EPHA10: variants seen among roughly 807,000 people sequenced by gnomAD.
EPHA10 encodes EPH receptor A10.
EPHA10 carries 120 observed loss-of-function variants against 109.7 expected under a neutral mutation model. The ratio of observed to expected loss-of-function variants is 1.09; its 90% confidence interval spans 0.94 to 1.27. EPHA10 has a LOEUF of 1.27. EPHA10 is among the 50% of genes most tolerant of loss of function. The pLI is 0.00. For synonymous variants in EPHA10, 640 were observed against 618.9 expected (o/e 1.03, Z -0.51); for missense variants, 1,396 against 1,411.1 (o/e 0.99, Z 0.17).
At chr1:37,747,270 G>T (rs1646254357) in intron 5 of EPHA10, among the ~76,000 whole-genome samples, 1 of 152,126 alleles carries the variant, frequency 6.6e-6, no homozygotes, top group Non-Finnish European at 1.5e-5. Flanking sequence ...GACTTCAGAG[G>T]TTGGGTGGGG....
chr1:37,734,704 GC>G (rs779614692), intron 6 of EPHA10: 6 of 446,300 alleles, frequency 1.3e-5, no homozygotes, highest in South Asian at 9.7e-5. Flanking sequence ...GGATCAATTG[GC>G]CATATGGAGT....
At position 37,754,009 on chromosome 1, in the gene EPHA10, T is replaced by C. The variant is rs535617493; in HGVS notation, c.1006+206A>G. On this transcript the variant is annotated intron_variant, in intron 4 of 16. Transcript: ENST00000373048. This position sits in a 1 kb window ranked among gnomAD's most constrained non-coding sequence, Gnocchi z 4.5. ...TCCGTCTGGACTCTCGCAGTTGTCC[T>C]GGTTCTTCTCATCAAAGGCCCCGGC... Among the ~76,000 whole-genome samples, 2 of 152,214 alleles carry C rather than the reference T, an allele frequency of 1.3e-5. No individual in the cohort carries two copies. Among genetic ancestry groups the C allele is most frequent in the East Asian group, 3.9e-4 (2 of 5,172 alleles).
rs757393344 is a variant in EPHA10, at chr1:37,720,026, G to A, written c.2445C>T (p.Pro815=). The change falls in exon 14 of 17, where the codon CCC becomes CCT. Residue 815 remains proline, a synonymous_variant. Transcript: ENST00000373048. ...TGAAGTGGCCAAACTGAAGTGTCTC[G>A]GGAGCGGCCCATAGCGCTGGGCTCC... ...SGRSPALWAA[P]ETLQFGHFSS... The A allele has an allele frequency of 6.8e-5, 110 of 1,613,630 alleles. 2 individuals carry two copies. Among genetic ancestry groups the A allele is most frequent in the Non-Finnish European group, 8.1e-5 (95 of 1,180,026 alleles).
chr1:37,750,127 T>C (rs981778799), intron 5 of EPHA10, among the ~76,000 whole-genome samples: 4 of 152,134 alleles, frequency 2.6e-5, no homozygotes, highest in African/African-American at 9.7e-5. Context: ...TACTCTAAGA[T>C]ATTAATAGTT....
chr1:37,718,600 G>A (rs1645731208), intron 16 of EPHA10, 61 bp downstream of exon 16: 2 of 1,611,992 alleles, frequency 1.2e-6, no homozygotes, highest in African/African-American at 2.7e-5. Flanking sequence ...CCCAGTATAG[G>A]CAGGGGCAGG....
chr1:37,719,764 C>T, intron 14 of EPHA10, 145 bp downstream of exon 14: 2 of 1,448,152 alleles, frequency 1.4e-6, no homozygotes, highest in Non-Finnish European at 1.9e-6. Context: ...AAGCCTGGGG[C>T]AGTGGCCAGG....
intron 5 of EPHA10, among the ~76,000 whole-genome samples, chr1:37,739,034 G>C (rs1646113564): frequency 6.6e-6 from 1 of 152,068 alleles, no homozygotes; most frequent in Non-Finnish European, 1.5e-5. Flanking sequence ...ATAGCAGTAG[G>C]AGAAATACCT....
At position 37,750,563 on chromosome 1, in the gene EPHA10, G is replaced by A. The variant is rs115745990; in HGVS notation, c.1357+2313C>T. 2.6e-3 allele frequency among the ~76,000 whole-genome samples: 400 copies of A among 152,036 alleles called. 3 individuals carry two copies. The highest frequency in any genetic ancestry group is 9.3e-3 in the African/African-American group (385 of 41,450). ...TGAGCTATCAGAAGTTCTAGTCAAAGCAGTGGCTGAATAAAACTTTTTTTT... is the reference window on the plus strand; with the variant it reads ...TGAGCTATCAGAAGTTCTAGTCAAAACAGTGGCTGAATAAAACTTTTTTTT... On this transcript the variant is annotated intron_variant, in intron 5 of 16. Transcript: ENST00000373048.
intron 7 of EPHA10, 117 bp from the exon 8 acceptor site, chr1:37,727,327 A>T: frequency 1.3e-6 from 1 of 760,898 alleles, no homozygotes; most frequent in Non-Finnish European, 2.0e-6. Context: ...TGCACTTGGC[A>T]CTGCCTCCCA....
chr1:37,730,226 G>A (rs1645959620), intron 7 of EPHA10, among the ~76,000 whole-genome samples: 1 of 152,088 alleles, frequency 6.6e-6, no homozygotes, highest in Admixed American at 6.5e-5. Context: ...CGAGAAGTGT[G>A]GTCTTCCTTC....
intron 13 of EPHA10, 33 bp from the exon 14 acceptor site, chr1:37,720,091 A>C: frequency 6.2e-7 from 1 of 1,610,546 alleles, no homozygotes; most frequent in Non-Finnish European, 8.5e-7. Flanking sequence ...GGCAAGGAGG[A>C]ACTGGGTGAC....
chr1:37,743,012 A>G lies in EPHA10; in HGVS notation c.1358-7622T>C, dbSNP rs1467042877. ...CCTTGTCTCTAATAATAATAATATAATAATAATAATAAAATAAAATCAGTT... is the reference window on the plus strand; with the variant it reads ...CCTTGTCTCTAATAATAATAATATAGTAATAATAATAAAATAAAATCAGTT... On this transcript the variant is annotated intron_variant, in intron 5 of 16. Transcript: ENST00000373048. Among the ~76,000 whole-genome samples, 3 of 151,588 alleles carry G rather than the reference A, an allele frequency of 2.0e-5. No individual in the cohort carries two copies. In the East Asian group the frequency reaches 5.8e-4, roughly 29 times the overall value.
chr1:37,743,033 CAGTT>C (rs981007244), intron 5 of EPHA10, among the ~76,000 whole-genome samples: 24 of 151,854 alleles, frequency 1.6e-4, no homozygotes, highest in South Asian at 8.3e-4. Context: ...AAAATAAAAT[CAGTT>C]AGACTGAGAT....
chr1:37,737,559 C>T (rs866040243), intron 5 of EPHA10, among the ~76,000 whole-genome samples: 1 of 152,122 alleles, frequency 6.6e-6, no homozygotes, highest in Non-Finnish European at 1.5e-5. Flanking sequence ...TATCCACCTG[C>T]AAATGAATGA....
At chr1:37,735,487 G>C in intron 5 of EPHA10, 97 bp from the exon 6 acceptor site, 2 of 1,413,086 alleles carry the variant, frequency 1.4e-6, no homozygotes, top group Non-Finnish European at 9.5e-7. Context: ...CTGTGGGACC[G>C]GACTAGAGAG....
rs1569609527 is a variant in EPHA10, at chr1:37,718,318, G to A, written c.*54C>T. ...CGCAGCTTGCCACGGTCCTTGGGCA[G>A]GGCTGGGGGACTGGACCCCCACCGG... On this transcript the variant is annotated 3_prime_UTR_variant, in exon 17 of 17. Transcript: ENST00000373048. 5 of 1,462,460 alleles carry A rather than the reference G, an allele frequency of 3.4e-6. No homozygotes were observed. In the East Asian group the frequency reaches 1.1e-4, roughly 33 times the overall value. The allele number at this position is 1,462,460 out of a possible 1,614,324, so 90.6% of individuals were successfully genotyped here. A position where few individuals can be genotyped will look rare whatever the true frequency, so the allele number is the denominator to read the frequency against.
At chr1:37,736,726 T>G (rs1267938607) in intron 5 of EPHA10, among the ~76,000 whole-genome samples, 1 of 151,718 alleles carries the variant, frequency 6.6e-6, no homozygotes, top group Non-Finnish European at 1.5e-5. Context: ...AAAATAAAAT[T>G]TAGAATTAAT....
chr1:37,745,136 A>G (rs139029454), intron 5 of EPHA10, among the ~76,000 whole-genome samples: 117 of 152,316 alleles, frequency 7.7e-4, no homozygotes, highest in African/African-American at 2.7e-3. Flanking sequence ...TTGATTTTGC[A>G]ATACATTTGT....
At chr1:37,744,974 T>C (rs1169551290) in intron 5 of EPHA10, among the ~76,000 whole-genome samples, 1 of 152,164 alleles carries the variant, frequency 6.6e-6, no homozygotes, top group East Asian at 1.9e-4. Flanking sequence ...GAGATGATGA[T>C]GTGAAGACAC....
Sources: gnomAD v4.1 joint callset for allele counts (sites outside exome capture counted in the v4.1 genomes callset) on GRCh38, gnomAD v4.1.1 for gene constraint, Gnocchi (gnomAD v3.1) non-coding constraint, MANE v1.5 for transcripts, NCBI Gene and HGNC (gene_info 2026-07-23, HGNC 2026-07-21) for gene names.